TRIM63: variants seen among roughly 807,000 people sequenced by gnomAD.
The protein encoded by TRIM63 is tripartite motif containing 63, also known as E3 ubiquitin-protein ligase TRIM63.
A neutral mutation model predicts 46.0 loss-of-function variants in TRIM63; 48 were observed. That is an observed-to-expected ratio of 1.04 (90% CI 0.83 to 1.33). TRIM63 has a LOEUF of 1.33. Ranked by LOEUF, TRIM63 falls within the 40% of genes most tolerant of loss-of-function variation. The pLI is 0.00. For synonymous variants in TRIM63, 175 were observed against 162.8 expected (o/e 1.08, Z -0.57); for missense variants, 455 against 441.2 (o/e 1.03, Z -0.28).
At chr1:26,066,801 T>G (rs754445562) in intron 1 of TRIM63, among the ~76,000 whole-genome samples, 5 of 152,060 alleles carry the variant, frequency 3.3e-5, no homozygotes, top group Non-Finnish European at 7.4e-5. Flanking sequence ...AAGAACATTT[T>G]GTAAAGTGTC....
chr1:26,060,131 C>T, intron 4 of TRIM63, 135 bp downstream of exon 4: 1 of 633,530 alleles, frequency 1.6e-6, no homozygotes, highest in South Asian at 1.8e-5. Flanking sequence ...TTAGTCCCTC[C>T]CCTGCCATCC....
intron 4 of TRIM63, among the ~76,000 whole-genome samples, chr1:26,059,023 CTTTTTTTTTT>C (rs986591996): frequency 8.6e-6 from 1 of 116,940 alleles, no homozygotes; most frequent in Non-Finnish European, 1.7e-5. Flanking sequence ...CTCTGTTGCC[CTTTTTTTTTT>C]TTTTTTTTTG....
At chr1:26,065,797 T>C (rs1026476941) in intron 2 of TRIM63, among the ~76,000 whole-genome samples, 1 of 152,258 alleles carries the variant, frequency 6.6e-6, no homozygotes, top group Non-Finnish European at 1.5e-5. Context: ...TTTCCTCATC[T>C]GTGAAATGAG....
chr1:26,058,380 T>A lies in TRIM63; in HGVS notation c.831+10A>T. 1.9e-6 allele frequency: 3 copies of A among 1,612,710 alleles called. 1 individual carries two copies. In the South Asian group the frequency reaches 3.3e-5, roughly 18 times the overall value. On this transcript the variant is annotated intron_variant, in intron 5 of 8. Transcript: ENST00000374272. ...ACTGACCCCACCCAGACCCTTCTAG[T>A]CCTGCTCACCAAGAGGAAGGTGGCT... is the stretch of plus-strand genomic sequence containing the variant.
chr1:26,067,577 CACAAA>C lies in TRIM63; in HGVS notation c.-88_-84del. ...GTAGACCTGGGGGTCTTGCCTTTGT[CACAAA>C]ACACCGGGTCGGATCCTGTTGGCTT... On this transcript the variant is annotated 5_prime_UTR_variant, in exon 1 of 9. Coordinates refer to ENST00000374272, the MANE Select transcript of TRIM63 (RefSeq NM_032588.4). 1 of 1,490,908 alleles carries C rather than the reference CACAAA, an allele frequency of 6.7e-7. No homozygotes were observed. The highest frequency in any genetic ancestry group is 1.3e-5 in the South Asian group (1 of 79,098). 92.4% of individuals were successfully genotyped at this position (1,490,908 alleles called of 1,614,324 possible).
chr1:26,061,137 C>A (rs779478408), intron 3 of TRIM63, 29 bp downstream of exon 3: 5 of 1,607,578 alleles, frequency 3.1e-6, no homozygotes, highest in Non-Finnish European at 4.3e-6. Flanking sequence ...CAGGCCCAGG[C>A]TGGGGGTAAA....
intron 4 of TRIM63, 54 bp from the exon 5 acceptor site, chr1:26,058,677 C>G: frequency 7.0e-7 from 1 of 1,422,888 alleles, no homozygotes; most frequent in Non-Finnish European, 9.9e-7. Flanking sequence ...TCCCTGCCCA[C>G]TACACTGCCT....
chr1:26,054,067 C>T, intron 7 of TRIM63, 103 bp from the exon 8 acceptor site: 1 of 783,980 alleles, frequency 1.3e-6, no homozygotes, highest in South Asian at 2.0e-5. Flanking sequence ...CCTTCCTGTG[C>T]CCAGTCGGGT....
At position 26,066,436 on chromosome 1, in the gene TRIM63, G is replaced by A. The variant is rs746950599; in HGVS notation, c.164C>T (p.Ala55Val). ...GCCCCGGCTGGTCCAGTAGGGATTT[G>A]CAGCCTGCAGGTGGCAAAGGTCAAG... ...RKCANDIFQAANPYWTSRGSS... is the reference protein window; with the variant it reads ...RKCANDIFQAVNPYWTSRGSS... Residue 55 changes from alanine to valine, a missense_variant, in exon 2 of 9, where the codon GCA (alanine) becomes GTA (valine). Ala to Val is a moderately conservative substitution (Grantham distance 64, BLOSUM62 0). Coordinates refer to ENST00000374272, the MANE Select transcript of TRIM63 (RefSeq NM_032588.4). 1 of 1,577,074 alleles carries A rather than the reference G, an allele frequency of 6.3e-7. No homozygotes were observed. The highest frequency in any genetic ancestry group is 2.3e-5 in the East Asian group (1 of 44,254).
At chr1:26,057,784 C>T (rs1352306686) in intron 5 of TRIM63, 134 bp from the exon 6 acceptor site, 12 of 879,726 alleles carry the variant, frequency 1.4e-5, no homozygotes, top group Non-Finnish European at 1.9e-5. Flanking sequence ...CTGCTCCCCA[C>T]CCCAAACTGA....
rs1053394318 is a variant in TRIM63 at position 26,054,045 on chromosome 1, A to C, written c.980-81T>G. The C allele has an allele frequency of 6.9e-6, 7 of 1,009,996 alleles. No individual in the cohort carries two copies. The African/African-American group carries it at 1.1e-4, about 17-fold the overall frequency. 62.6% of individuals were successfully genotyped at this position (1,009,996 alleles called of 1,614,324 possible). On this transcript the variant is annotated intron_variant, in intron 7 of 8. Transcript: ENST00000374272. Reference sequence around the variant, plus strand: ...GAAGAGGAACCAGGCAAGAGAGAGCACGGTCTAAACCCCTTCCTGTGCCCA... The same window carrying C: ...GAAGAGGAACCAGGCAAGAGAGAGCCCGGTCTAAACCCCTTCCTGTGCCCA...
chr1:26,057,307 C>G lies in TRIM63; in HGVS notation c.875G>C (p.Gly292Ala), dbSNP rs375927416. 6.2e-7 allele frequency: 1 copy of G among 1,614,146 alleles called. No homozygotes were observed. The highest frequency in any genetic ancestry group is 1.3e-5 in the African/African-American group (1 of 75,046). Residue 292 changes from glycine (G) to alanine (A), a missense_variant, in exon 7 of 9, where the codon GGC (glycine) becomes GCC (alanine). By Grantham distance (60) the Gly-to-Ala change is moderately conservative. Transcript: ENST00000374272. ...CTGCTCTGTCTTCCCCAGCTGGCAG[C>G]CCTTGGAAGCTTCCACAATGCTGCA... is the stretch of plus-strand genomic sequence containing the variant. ...LIKSIVEASK[G>A]CQLGKTEQGF...
chr1:26,065,500 T>A lies in TRIM63; in HGVS notation c.332+768A>T, dbSNP rs149647991. 8.5e-4 allele frequency among the ~76,000 whole-genome samples: 130 copies of A among 152,200 alleles called. 1 individual carries two copies. The highest frequency in any genetic ancestry group is 6.4e-3 in the South Asian group (31 of 4,810). ...GTTTTTAAACTTTGTAGAAACAGGGTCTCACTATGTTGCCCTGACTTGTCT... is the reference window on the plus strand; with the variant it reads ...GTTTTTAAACTTTGTAGAAACAGGGACTCACTATGTTGCCCTGACTTGTCT... On this transcript the variant is annotated intron_variant, in intron 2 of 8. Transcript: ENST00000374272.
At chr1:26,057,759 T>C in intron 5 of TRIM63, 109 bp from the exon 6 acceptor site, 1 of 1,229,712 alleles carries the variant, frequency 8.1e-7, no homozygotes, top group Non-Finnish European at 1.1e-6. Context: ...TGCCATTCCC[T>C]AGCCCAGTTG....
chr1:26,056,792 T>C (rs2124437282), intron 7 of TRIM63, among the ~76,000 whole-genome samples: 1 of 150,450 alleles, frequency 6.6e-6, no homozygotes, highest in African/African-American at 2.5e-5. Context: ...GGAGTTTGGC[T>C]GGCTCTTTTG....
intron 8 of TRIM63, among the ~76,000 whole-genome samples, chr1:26,052,274 T>A (rs908165492): frequency 6.6e-6 from 1 of 152,170 alleles, no homozygotes; most frequent in Non-Finnish European, 1.5e-5. Flanking sequence ...CATACACAGA[T>A]GAGTAGCCCA....
rs1135253 is a variant in TRIM63 at position 26,051,389 on chromosome 1, G to A, written c.*484C>T. On this transcript the variant is annotated 3_prime_UTR_variant, in exon 9 of 9. Transcript: ENST00000374272. ...TTACCACCCCGTATGTCTGGGATAG[G>A]CACTGAAATACAGCACATCGTCCCT... 97,055 of 153,004 alleles carry A rather than the reference G, an allele frequency of 0.63. 31,956 individuals are homozygous for A. Among genetic ancestry groups the A allele is most frequent in the East Asian group, 0.76 (3,927 of 5,196 alleles). 9.5% of individuals were successfully genotyped at this position (153,004 alleles called of 1,614,324 possible).
At chr1:26,056,488 A>C (rs2050571431) in intron 7 of TRIM63, among the ~76,000 whole-genome samples, 1 of 152,178 alleles carries the variant, frequency 6.6e-6, no homozygotes, top group African/African-American at 2.4e-5. Flanking sequence ...CAGCACCATG[A>C]GTTGGTCATT....
chr1:26,063,876 C>T (rs538721493), intron 2 of TRIM63, among the ~76,000 whole-genome samples: 3 of 152,306 alleles, frequency 2.0e-5, no homozygotes, highest in Non-Finnish European at 2.9e-5. Context: ...CTTCATAGGT[C>T]GGCACTGGGT....
Sources: allele counts gnomAD v4.1 joint callset (sites outside exome capture counted in the v4.1 genomes callset), GRCh38; gene constraint gnomAD v4.1.1; transcripts MANE v1.5; gene names NCBI Gene and HGNC (gene_info 2026-07-23, HGNC 2026-07-21).